The following KRTAP2-1 variants were observed in gnomAD, a reference collection of about 807,000 sequenced individuals.
KRTAP2-1 encodes the protein keratin-associated protein 2-1.
A neutral mutation model predicts 11.6 loss-of-function variants in KRTAP2-1; 5 were observed. The ratio of observed to expected loss-of-function variants is 0.43; its 90% CI spans 0.22 to 0.90. KRTAP2-1 has a LOEUF of 0.90. Ranked by LOEUF, KRTAP2-1 falls within the 40% of genes least tolerant of loss-of-function variation. The pLI is 0.26. For synonymous variants in KRTAP2-1, 19 were observed against 81.9 expected (o/e 0.23, Z 4.15); for missense variants, 40 against 191.3 (o/e 0.21, Z 4.67).
rs2012850729 is a variant in KRTAP2-1 at position 41,046,905 on chromosome 17, G to A, written c.363C>T (p.Thr121=). The part of the protein sequence containing the change: ...PPCGQPTPCS[T]TCRTSSC ...CTCAGCAGGAGGAGGTCCTGCAGGT[G>A]GTGCTGCAAGGGGTCGGCTGGCCGC... is the stretch of plus-strand genomic sequence containing the variant. The change falls in exon 1 of 1, where the codon ACC becomes ACT. Residue 121 remains threonine (T), a synonymous_variant. Coordinates refer to ENST00000391419, the MANE Select transcript of KRTAP2-1 (RefSeq NM_001123387.1). The A allele has an allele frequency of 6.4e-7, 1 of 1,556,528 alleles. No homozygotes were observed. The highest frequency in any genetic ancestry group is 8.7e-7 in the Non-Finnish European group (1 of 1,153,298).
chr17:41,046,794 G>T lies in KRTAP2-1; in HGVS notation c.*87C>A. The T allele has an allele frequency of 6.5e-7, 1 of 1,542,398 alleles. No individual in the cohort carries two copies. The highest frequency in any genetic ancestry group is 8.7e-7 in the Non-Finnish European group (1 of 1,146,862). ...TTCCGGGCAGTCAGTGCACTGCTCAGCAGGAGGAGGTCCTGCAGGTGGTGC... is the reference window on the plus strand; with the variant it reads ...TTCCGGGCAGTCAGTGCACTGCTCATCAGGAGGAGGTCCTGCAGGTGGTGC... On this transcript the variant is annotated 3_prime_UTR_variant, in exon 1 of 1. Coordinates refer to ENST00000391419, the MANE Select transcript of KRTAP2-1 (RefSeq NM_001123387.1).
In KRTAP2-1 at chr17:41,046,639, C is replaced by G. The variant is rs2012843391; in HGVS notation, c.*242G>C. ...CTTCTTTTACAGACTTCAGAATGGC[C>G]CAGGTCTTAATAGATGAGCCCAGTG... is the stretch of plus-strand genomic sequence containing the variant. On this transcript the variant is annotated 3_prime_UTR_variant, in exon 1 of 1. Coordinates refer to ENST00000391419, the MANE Select transcript of KRTAP2-1 (RefSeq NM_001123387.1). 6.4e-6 allele frequency: 7 copies of G among 1,091,496 alleles called. No individual in the cohort carries two copies. In the East Asian group the frequency reaches 1.3e-4, roughly 20 times the overall value. The allele number at this position is 1,091,496 out of a possible 1,614,324, so 67.6% of individuals were successfully genotyped here. A position where few individuals can be genotyped will look rare whatever the true frequency, so the allele number is the denominator to read the frequency against.
Position 41,046,686 on chromosome 17 carries a change from T to G in KRTAP2-1, c.*195A>C. ...AGTGCTCGGTTCCCTGCTTGGTTGA[T>G]GTGGGGTTTTGTGGGCTCAGGGCAG... On this transcript the variant is annotated 3_prime_UTR_variant, in exon 1 of 1. Transcript: ENST00000391419. 13 of 1,417,024 alleles carry G rather than the reference T, an allele frequency of 9.2e-6. No individual in the cohort carries two copies. The highest frequency in any genetic ancestry group is 1.4e-5 in the African/African-American group (1 of 70,796). The allele number at this position is 1,417,024 out of a possible 1,614,324, so 87.8% of individuals were successfully genotyped here.
Position 41,046,617 on chromosome 17 carries a change from CT to C in KRTAP2-1, c.*263del. Reference sequence around the variant, plus strand: ...AATCTTAAGAAGAAGGAAATTGCTTCTTTTACAGACTTCAGAATGGCCCAGG... The same window carrying C: ...AATCTTAAGAAGAAGGAAATTGCTTCTTTACAGACTTCAGAATGGCCCAGG... On this transcript the variant is annotated 3_prime_UTR_variant, in exon 1 of 1. Coordinates refer to ENST00000391419, the MANE Select transcript of KRTAP2-1 (RefSeq NM_001123387.1). 1.2e-6 allele frequency: 1 copy of C among 860,360 alleles called. No individual in the cohort carries two copies. The highest frequency in any genetic ancestry group is 2.5e-5 in the South Asian group (1 of 39,666). 53.3% of individuals were successfully genotyped at this position (860,360 alleles called of 1,614,324 possible).
In KRTAP2-1 at chr17:41,046,617, C is replaced by T; in HGVS notation, c.*264G>A. 1.2e-6 allele frequency: 1 copy of T among 860,360 alleles called. No homozygotes were observed. 53.3% of individuals were successfully genotyped at this position (860,360 alleles called of 1,614,324 possible). A position where few individuals can be genotyped will look rare whatever the true frequency, so the allele number is the denominator to read the frequency against. On this transcript the variant is annotated 3_prime_UTR_variant, in exon 1 of 1. Transcript: ENST00000391419. ...AATCTTAAGAAGAAGGAAATTGCTT[C>T]TTTTACAGACTTCAGAATGGCCCAG...
Position 41,046,644 on chromosome 17 carries a change from T to G in KRTAP2-1, c.*237A>C. ...TTTACAGACTTCAGAATGGCCCAGG[T>G]CTTAATAGATGAGCCCAGTGCTCGG... On this transcript the variant is annotated 3_prime_UTR_variant, in exon 1 of 1. Transcript: ENST00000391419. 8.8e-7 allele frequency: 1 copy of G among 1,141,210 alleles called. No individual in the cohort carries two copies. The highest frequency in any genetic ancestry group is 1.2e-6 in the Non-Finnish European group (1 of 828,502). 70.7% of individuals were successfully genotyped at this position (1,141,210 alleles called of 1,614,324 possible).
Position 41,047,215 on chromosome 17 carries a change from C to T in KRTAP2-1, c.53G>A (p.Gly18Asp). Reference protein sequence around the residue: ...STFSSLSYGGGCCQPCCCRDP... With the variant: ...STFSSLSYGGDCCQPCCCRDP... The stretch of plus-strand genomic sequence containing the variant: ...GCGGCAGCAGCAGGGCTGGCAGCAG[C>T]CTCCCCCGTAGCTCAGGGAGGAGAA... The change falls in exon 1 of 1, where the codon GGC (glycine) becomes GAC (aspartate). Residue 18 changes from glycine (G) to aspartate (D), a missense_variant. Transcript: ENST00000391419. 1 of 1,439,402 alleles carries T rather than the reference C, an allele frequency of 6.9e-7. No individual in the cohort carries two copies. The highest frequency in any genetic ancestry group is 9.1e-7 in the Non-Finnish European group (1 of 1,094,656). 89.2% of individuals were successfully genotyped at this position (1,439,402 alleles called of 1,614,324 possible). A position where few individuals can be genotyped will look rare whatever the true frequency, so the allele number is the denominator to read the frequency against.
chr17:41,047,301 G>T lies in KRTAP2-1; in HGVS notation c.-34C>A, dbSNP rs8074007. The T allele has an allele frequency of 0.028, 38,872 of 1,393,150 alleles. 2,264 individuals carry two copies. The highest frequency in any genetic ancestry group is 0.28 in the African/African-American group (16,742 of 60,302). 86.3% of individuals were successfully genotyped at this position (1,393,150 alleles called of 1,614,324 possible). On this transcript the variant is annotated 5_prime_UTR_variant, in exon 1 of 1. Coordinates refer to ENST00000391419, the MANE Select transcript of KRTAP2-1 (RefSeq NM_001123387.1). ...CTGAGGCTGGTGTGGGTTGGGCTGT[G>T]GAGAGGAGCTGGATGTTCTCAGGTG...
rs2012848025 is a variant in KRTAP2-1, at chr17:41,046,813, G to A, written c.*68C>T. 6.5e-7 allele frequency: 1 copy of A among 1,545,434 alleles called. No individual in the cohort carries two copies. On this transcript the variant is annotated 3_prime_UTR_variant, in exon 1 of 1. Coordinates refer to ENST00000391419, the MANE Select transcript of KRTAP2-1 (RefSeq NM_001123387.1). ...TGCTCAGCAGGAGGAGGTCCTGCAG[G>A]TGGTGCTGCAAGGGGTCGGCTGGCC... is the stretch of plus-strand genomic sequence containing the variant.
rs915086834 is a variant in KRTAP2-1, at chr17:41,047,033, A to G, written c.235T>C (p.Cys79Arg). The G allele has an allele frequency of 2.7e-6, 4 of 1,482,032 alleles. No individual in the cohort carries two copies. Among genetic ancestry groups the G allele is most frequent in the Non-Finnish European group, 3.6e-6 (4 of 1,106,510 alleles). The allele number at this position is 1,482,032 out of a possible 1,614,324, so 91.8% of individuals were successfully genotyped here. A position where few individuals can be genotyped will look rare whatever the true frequency, so the allele number is the denominator to read the frequency against. Residue 79 changes from cysteine to arginine, a missense_variant, in exon 1 of 1, where the codon TGC becomes CGC. By Grantham distance (180) the Cys-to-Arg change is radical. Coordinates refer to ENST00000391419, the MANE Select transcript of KRTAP2-1 (RefSeq NM_001123387.1). Reference sequence around the variant, plus strand: ...ACAGCCGTGCACGACGAGGGGCAGCAGGTGATGGGGCGGCAGCAGCCTTCC... The same window carrying G: ...ACAGCCGTGCACGACGAGGGGCAGCGGGTGATGGGGCGGCAGCAGCCTTCC... ...LQEGCCRPIT[C>R]CPSSCTAVVC... is the part of the protein sequence containing the mutation.
Position 41,046,681 on chromosome 17 carries a change from G to A in KRTAP2-1, c.*200C>T, listed in dbSNP as rs893626064. The A allele has an allele frequency of 5.6e-6, 8 of 1,424,356 alleles. No individual in the cohort carries two copies. The highest frequency in any genetic ancestry group is 1.4e-5 in the African/African-American group (1 of 70,684). 88.2% of individuals were successfully genotyped at this position (1,424,356 alleles called of 1,614,324 possible). A position where few individuals can be genotyped will look rare whatever the true frequency, so the allele number is the denominator to read the frequency against. On this transcript the variant is annotated 3_prime_UTR_variant, in exon 1 of 1. Coordinates refer to ENST00000391419, the MANE Select transcript of KRTAP2-1 (RefSeq NM_001123387.1). The stretch of plus-strand genomic sequence containing the variant: ...AGCCCAGTGCTCGGTTCCCTGCTTG[G>A]TTGATGTGGGGTTTTGTGGGCTCAG...
Position 41,047,093 on chromosome 17 carries a change from G to A in KRTAP2-1, c.175C>T (p.Arg59Cys), listed in dbSNP as rs202001348. The A allele has an allele frequency of 0.022, 30,154 of 1,341,776 alleles. 82 individuals carry two copies. The highest frequency in any genetic ancestry group is 0.14 in the East Asian group (5,722 of 39,474). The allele number at this position is 1,341,776 out of a possible 1,614,324, so 83.1% of individuals were successfully genotyped here. The change falls in exon 1 of 1, where the codon CGC (arginine) becomes TGC (cysteine). Residue 59 changes from arginine to cysteine, a missense_variant. Physicochemically the swap from Arg to Cys is radical, Grantham distance 180. Transcript: ENST00000391419. ...CAGGGGTCGCAGCACACCGGGCGGC[G>A]GCAGGGCTCGCAGATGGGGCGCGTG... ...RCTRPICEPC[R>C]RPVCCDPCSL...
At position 41,046,735 on chromosome 17, in the gene KRTAP2-1, G is replaced by A. The variant is rs2012845791; in HGVS notation, c.*146C>T. Reference sequence around the variant, plus strand: ...AGGAGGTTTGTTAAAGTAGAGAAATGGGAGTGTGACTTTTTCAGAAGGTGA... The same window carrying A: ...AGGAGGTTTGTTAAAGTAGAGAAATAGGAGTGTGACTTTTTCAGAAGGTGA... On this transcript the variant is annotated 3_prime_UTR_variant, in exon 1 of 1. Transcript: ENST00000391419. 2 of 1,507,732 alleles carry A rather than the reference G, an allele frequency of 1.3e-6. No homozygotes were observed. The highest frequency in any genetic ancestry group is 2.8e-5 in the African/African-American group (2 of 72,622). 93.4% of individuals were successfully genotyped at this position (1,507,732 alleles called of 1,614,324 possible).
Position 41,046,904 on chromosome 17 carries a change from T to C in KRTAP2-1, c.364A>G (p.Thr122Ala). 1 of 1,555,030 alleles carries C rather than the reference T, an allele frequency of 6.4e-7. No individual in the cohort carries two copies. The highest frequency in any genetic ancestry group is 8.7e-7 in the Non-Finnish European group (1 of 1,153,100). Residue 122 changes from threonine (T) to alanine (A), a missense_variant, in exon 1 of 1, where the codon ACC becomes GCC. By Grantham distance (58) the Thr-to-Ala change is moderately conservative. Coordinates refer to ENST00000391419, the MANE Select transcript of KRTAP2-1 (RefSeq NM_001123387.1). ...GCTCAGCAGGAGGAGGTCCTGCAGGTGGTGCTGCAAGGGGTCGGCTGGCCG... is the reference window on the plus strand; with the variant it reads ...GCTCAGCAGGAGGAGGTCCTGCAGGCGGTGCTGCAAGGGGTCGGCTGGCCG... ...PCGQPTPCST[T>A]CRTSSC
rs1280321076 is a variant in KRTAP2-1, at chr17:41,046,701, G to C, written c.*180C>G. The C allele has an allele frequency of 6.8e-7, 1 of 1,471,328 alleles. No individual in the cohort carries two copies. The highest frequency in any genetic ancestry group is 9.0e-7 in the Non-Finnish European group (1 of 1,107,272). 91.1% of individuals were successfully genotyped at this position (1,471,328 alleles called of 1,614,324 possible). On this transcript the variant is annotated 3_prime_UTR_variant, in exon 1 of 1. Coordinates refer to ENST00000391419, the MANE Select transcript of KRTAP2-1 (RefSeq NM_001123387.1). ...GCTTGGTTGATGTGGGGTTTTGTGG[G>C]CTCAGGGCAGGAGGTTTGTTAAAGT... is the stretch of plus-strand genomic sequence containing the variant.
At position 41,046,546 on chromosome 17, in the gene KRTAP2-1, G is replaced by T; in HGVS notation, c.*335C>A. 6.0e-6 allele frequency: 3 copies of T among 503,954 alleles called. No individual in the cohort carries two copies. Among genetic ancestry groups the T allele is most frequent in the Non-Finnish European group, 9.9e-6 (3 of 301,674 alleles). 31.2% of individuals were successfully genotyped at this position (503,954 alleles called of 1,614,324 possible). A position where few individuals can be genotyped will look rare whatever the true frequency, so the allele number is the denominator to read the frequency against. On this transcript the variant is annotated 3_prime_UTR_variant, in exon 1 of 1. Transcript: ENST00000391419. ...TGAGTAAATAAAACCAAATCTTTTTGCAAGGCCAAAGAACAGATATTTATT... is the reference window on the plus strand; with the variant it reads ...TGAGTAAATAAAACCAAATCTTTTTTCAAGGCCAAAGAACAGATATTTATT...
Position 41,046,574 on chromosome 17 carries a change from A to C in KRTAP2-1, c.*307T>G. 1 of 613,500 alleles carries C rather than the reference A, an allele frequency of 1.6e-6. No individual in the cohort carries two copies. Among genetic ancestry groups the C allele is most frequent in the African/African-American group, 1.8e-5 (1 of 54,116 alleles). 38.0% of individuals were successfully genotyped at this position (613,500 alleles called of 1,614,324 possible). On this transcript the variant is annotated 3_prime_UTR_variant, in exon 1 of 1. Coordinates refer to ENST00000391419, the MANE Select transcript of KRTAP2-1 (RefSeq NM_001123387.1). ...AGGCCAAAGAACAGATATTTATTAG[A>C]AAATAAACATGCCACGAAATCTTAA...
chr17:41,046,763 T>C lies in KRTAP2-1; in HGVS notation c.*118A>G. On this transcript the variant is annotated 3_prime_UTR_variant, in exon 1 of 1. Transcript: ENST00000391419. The stretch of plus-strand genomic sequence containing the variant: ...AGTGTGACTTTTTCAGAAGGTGAGT[T>C]ACGCGTTCCGGGCAGTCAGTGCACT... The C allele has an allele frequency of 6.6e-7, 1 of 1,522,940 alleles. No individual in the cohort carries two copies. Among genetic ancestry groups the C allele is most frequent in the Non-Finnish European group, 8.8e-7 (1 of 1,137,272 alleles). 94.3% of individuals were successfully genotyped at this position (1,522,940 alleles called of 1,614,324 possible).
Position 41,047,117 on chromosome 17 carries a change from T to G in KRTAP2-1, c.151A>C (p.Thr51Pro). ...CGGCAGGGCTCGCAGATGGGGCGCG[T>G]GCAGCGGGGCACGCAGGTCACGGGG... ...CRPVTCVPRC[T>P]RPICEPCRRP... Residue 51 changes from threonine (T) to proline (P), a missense_variant, in exon 1 of 1, where the codon ACG (threonine) becomes CCG (proline). By Grantham distance (38) the Thr-to-Pro change is conservative. Transcript: ENST00000391419. The G allele has an allele frequency of 1.5e-6, 2 of 1,346,358 alleles. No homozygotes were observed. The highest frequency in any genetic ancestry group is 3.0e-5 in the South Asian group (2 of 65,866). 83.4% of individuals were successfully genotyped at this position (1,346,358 alleles called of 1,614,324 possible). A position where few individuals can be genotyped will look rare whatever the true frequency, so the allele number is the denominator to read the frequency against.
Sources: allele counts gnomAD v4.1 joint callset, GRCh38; gene constraint gnomAD v4.1.1; transcripts MANE v1.5; gene names NCBI Gene and HGNC (gene_info 2026-07-23, HGNC 2026-07-21).